Variants in ST18 observed in about 807,000 individuals in gnomAD.
ST18 encodes ST18 C2H2C-type zinc finger transcription factor.
In ST18, 50 loss-of-function variants were observed where a neutral mutation model predicts 110.0. The observed-to-expected ratio is 0.45, with a 90% CI of 0.36 to 0.58. The LOEUF (loss-of-function observed/expected upper bound fraction) is 0.58. Among genes scored for constraint, ST18 ranks in the 20% least tolerant of loss-of-function variants. The pLI, the probability that ST18 is intolerant of heterozygous loss-of-function variation, is 0.00. For missense variants in ST18, 1,306 were observed against 1,280.1 expected (o/e 1.02, Z -0.31); for synonymous variants, 461 against 452.4 (o/e 1.02, Z -0.24).
intron 17 of ST18, among the ~76,000 whole-genome samples, chr8:52,141,936 C>T (rs749731005): frequency 2.0e-5 from 3 of 152,118 alleles, no homozygotes; most frequent in Non-Finnish European, 2.9e-5. Context: ...TCAGAGGCAC[C>T]GCGCTCTTTA....
intron 9 of ST18, among the ~76,000 whole-genome samples, chr8:52,179,893 G>A (rs1209012173): frequency 2.6e-5 from 4 of 152,064 alleles, no homozygotes; most frequent in African/African-American, 9.7e-5. Flanking sequence ...TTTTGAAAAC[G>A]GATAGGGCAA....
chr8:52,167,089 AC>A, intron 10 of ST18, 103 bp from the exon 11 acceptor site: 1 of 1,418,918 alleles, frequency 7.0e-7, no homozygotes, highest in East Asian at 2.4e-5. Context: ...ATTCAGTTTT[AC>A]CGTTATAAAC....
chr8:52,253,978 TGAGAGAGAGA>T (rs10547061), intron 2 of ST18, among the ~76,000 whole-genome samples: 11 of 149,628 alleles, frequency 7.4e-5, no homozygotes, highest in Non-Finnish European at 1.0e-4. Context: ...TGTGAGAGAT[TGAGAGAGAGA>T]GAGAGAGAGA....
At chr8:52,142,179 A>G in intron 17 of ST18, among the ~76,000 whole-genome samples, 1 of 152,128 alleles carries the variant, frequency 6.6e-6, no homozygotes, top group Admixed American at 6.5e-5. Context: ...AAGATTCAGG[A>G]GGGAAACTGC....
At chr8:52,303,038 A>C (rs913108125) in intron 2 of ST18, among the ~76,000 whole-genome samples, 1 of 152,220 alleles carries the variant, frequency 6.6e-6, no homozygotes, top group African/African-American at 2.4e-5. Flanking sequence ...AAGGAAAAAA[A>C]GAGTAACGTT....
chr8:52,216,912 G>A (rs536829076), intron 6 of ST18, among the ~76,000 whole-genome samples: 23 of 152,266 alleles, frequency 1.5e-4, no homozygotes, highest in African/African-American at 5.1e-4. Flanking sequence ...CCCCTGGGGT[G>A]GGGTGGAGGT....
chr8:52,294,951 C>T (rs1266023318), intron 2 of ST18, among the ~76,000 whole-genome samples: 1 of 152,162 alleles, frequency 6.6e-6, no homozygotes, highest in Non-Finnish European at 1.5e-5. Context: ...TGTGCTTTAT[C>T]TCTTAAAACA....
At chr8:52,122,326 T>G (rs568850167) in intron 23 of ST18, among the ~76,000 whole-genome samples, 1 of 152,244 alleles carries the variant, frequency 6.6e-6, no homozygotes, top group East Asian at 1.9e-4. Flanking sequence ...TGTATAATTA[T>G]GCAAGCTATG....
chr8:52,276,746 A>C (rs1428453738), intron 2 of ST18, among the ~76,000 whole-genome samples: 1 of 151,934 alleles, frequency 6.6e-6, no homozygotes, highest in Non-Finnish European at 1.5e-5. Flanking sequence ...TTATCTACCC[A>C]AATTATAAAA....
chr8:52,150,244 A>G lies in ST18; in HGVS notation c.1807-267T>C, dbSNP rs112708253. 3.4e-3 allele frequency among the ~76,000 whole-genome samples: 521 copies of G among 151,220 alleles called. 6 individuals are homozygous for G. The highest frequency in any genetic ancestry group is 0.012 in the African/African-American group (492 of 40,696). On this transcript the variant is annotated intron_variant, in intron 15 of 25. Coordinates refer to ENST00000689386, the MANE Select transcript of ST18 (RefSeq NM_001352837.2). ...CCAAATACTAAATATATTGGCTAAAACAGTTTTATGAAAATGTGTGTGTGT... is the reference window on the plus strand; with the variant it reads ...CCAAATACTAAATATATTGGCTAAAGCAGTTTTATGAAAATGTGTGTGTGT...
chr8:52,396,878 T>C (rs568902819), intron 2 of ST18, among the ~76,000 whole-genome samples: 13 of 152,320 alleles, frequency 8.5e-5, no homozygotes, highest in African/African-American at 3.1e-4. Context: ...TATCTATTTG[T>C]CCATCAATGA....
At chr8:52,355,738 GGT>G (rs1822431393) in intron 2 of ST18, among the ~76,000 whole-genome samples, 1 of 152,176 alleles carries the variant, frequency 6.6e-6, no homozygotes, top group Admixed American at 6.5e-5. Flanking sequence ...GTGATGGTGA[GGT>G]CAAGCAGCCC....
chr8:52,380,009 T>C (rs572166324), intron 2 of ST18, among the ~76,000 whole-genome samples: 36 of 152,338 alleles, frequency 2.4e-4, no homozygotes, highest in African/African-American at 7.7e-4. Flanking sequence ...CGATCTCTCA[T>C]AGTTTTTGAA....
intron 2 of ST18, among the ~76,000 whole-genome samples, chr8:52,381,633 G>T (rs1387220933): frequency 6.6e-6 from 1 of 152,116 alleles, no homozygotes; most frequent in Non-Finnish European, 1.5e-5. Context: ...CGTCTCATAA[G>T]TACAACATGT....
intron 2 of ST18, among the ~76,000 whole-genome samples, chr8:52,304,341 C>T (rs958820652): frequency 6.6e-6 from 1 of 152,046 alleles, no homozygotes; most frequent in Non-Finnish European, 1.5e-5. Flanking sequence ...CACACACACA[C>T]ATGTGCACCC....
chr8:52,164,354 A>G (rs774171341), intron 12 of ST18, among the ~76,000 whole-genome samples: 1 of 152,260 alleles, frequency 6.6e-6, no homozygotes, highest in Non-Finnish European at 1.5e-5. Context: ...TAACTAAAGC[A>G]TTTGGAAACT....
chr8:52,290,435 T>C (rs918679377), intron 2 of ST18, among the ~76,000 whole-genome samples: 3 of 152,178 alleles, frequency 2.0e-5, no homozygotes, highest in African/African-American at 7.2e-5. Flanking sequence ...AATGTTTACA[T>C]ACCAATAAAT....
intron 2 of ST18, among the ~76,000 whole-genome samples, chr8:52,270,626 T>A (rs1445410162): frequency 1.3e-5 from 2 of 152,140 alleles, no homozygotes; most frequent in African/African-American, 4.8e-5. Flanking sequence ...ATACAATGTA[T>A]CCATATAACA....
At chr8:52,386,540 G>A (rs117272871) in intron 2 of ST18, among the ~76,000 whole-genome samples, 2,211 of 151,008 alleles carry the variant, frequency 0.015, 21 homozygotes, top group Non-Finnish European at 0.02. Flanking sequence ...TATAAAAAAA[G>A]CTAATGTTAA....
Sources: allele counts gnomAD v4.1 joint callset (sites outside exome capture counted in the v4.1 genomes callset), GRCh38; gene constraint gnomAD v4.1.1; transcripts MANE v1.5; gene names NCBI Gene and HGNC (gene_info 2026-07-23, HGNC 2026-07-21).